Variants in ZNF117 observed in about 807,000 individuals in gnomAD.
ZNF117 encodes the protein Krueppel-related zinc finger protein.
ZNF117 carries 37 observed loss-of-function variants against 41.2 expected under a neutral mutation model. The observed-to-expected ratio is 0.90, with a 90% CI of 0.69 to 1.18. The LOEUF (loss-of-function observed/expected upper bound fraction) is 1.18. Ranked by LOEUF, ZNF117 falls within the 50% of genes most tolerant of loss-of-function variation. The pLI is 0.00. For synonymous variants in ZNF117, 186 were observed against 186.6 expected, an observed-to-expected ratio of 1.00 and a Z score of 0.02; for missense variants, 546 against 557.5, an observed-to-expected ratio of 0.98 and a Z score of 0.21.
chr7:64,976,063 T>G (rs995688437), exon 3 of ZNF117: 1 of 152,208 alleles, frequency 6.6e-6, no homozygotes, highest in African/African-American at 2.4e-5. Context: ...ATGTGTACAA[T>G]AAAATCTGTG....
At chr7:64,983,378 T>A (rs1406208959), upstream of ZNF117, among the ~76,000 whole-genome samples, 1 of 152,198 alleles carries the variant, frequency 6.6e-6, no homozygotes, top group Non-Finnish European at 1.5e-5. Context: ...AGCCGTGATG[T>A]AGAGATGTAG....
At chr7:64,979,486 C>G in exon 3 of ZNF117, 1 of 1,579,532 alleles carries the variant, frequency 6.3e-7, no homozygotes, top group Non-Finnish European at 8.6e-7. Context: ...TGGAAAGAAT[C>G]TCTTATGTTC....
chr7:64,989,477 ATATATATATATATATATATAT>A (rs1562649391), intron 1 of ZNF117, among the ~76,000 whole-genome samples: 4,244 of 114,822 alleles, frequency 0.037, 150 homozygotes, highest in Non-Finnish European at 0.055. Flanking sequence ...ATATATATAT[ATATATATATATATATATATAT>A]AAAACCTGAA....
At chr7:64,989,493 AT>A (rs1786215072) in intron 1 of ZNF117, among the ~76,000 whole-genome samples, 1 of 105,918 alleles carries the variant, frequency 9.4e-6, no homozygotes, top group Non-Finnish European at 2.0e-5. Context: ...ATATATATAT[AT>A]ATATAAAACC....
exon 3 of ZNF117, chr7:64,978,723 C>A: frequency 6.2e-7 from 1 of 1,612,958 alleles, no homozygotes; most frequent in Non-Finnish European, 8.5e-7. Flanking sequence ...AAAGGCTTTA[C>A]CACATTCTTC....
chr7:64,989,463 A>ATATATT (rs1786209221), intron 1 of ZNF117, among the ~76,000 whole-genome samples: 1 of 51,246 alleles, frequency 2.0e-5, no homozygotes, highest in Non-Finnish European at 5.0e-5. Context: ...ATATATATAT[A>ATATATT]TATATATATA....
At chr7:64,982,653 G>A (rs1215837919), upstream of ZNF117, among the ~76,000 whole-genome samples, 2 of 152,098 alleles carry the variant, frequency 1.3e-5, no homozygotes, top group Non-Finnish European at 2.9e-5. Flanking sequence ...GTAGGTGGGT[G>A]AGCCTGTGTT....
At chr7:64,981,459 G>C (rs1786031477) in exon 2 of ZNF117, 1 of 1,610,068 alleles carries the variant, frequency 6.2e-7, no homozygotes, top group Non-Finnish European at 8.5e-7. Context: ...CAGGTAATCA[G>C]GTCTGGCTTA....
upstream of ZNF117, among the ~76,000 whole-genome samples, chr7:64,985,237 A>G (rs1163511144): frequency 6.6e-6 from 1 of 152,262 alleles, no homozygotes; most frequent in East Asian, 1.9e-4. Context: ...CAAGTAATAA[A>G]TATAAACCAA....
upstream of ZNF117, among the ~76,000 whole-genome samples, chr7:64,984,403 T>C (rs2129120070): frequency 6.6e-6 from 1 of 152,268 alleles, no homozygotes; most frequent in South Asian, 2.1e-4. Flanking sequence ...CCACCATAAC[T>C]TTCCGATGAA....
upstream of ZNF117, among the ~76,000 whole-genome samples, chr7:64,986,497 G>A (rs1477286847): frequency 6.6e-6 from 1 of 152,080 alleles, no homozygotes; most frequent in Non-Finnish European, 1.5e-5. Context: ...GACAAAAAGG[G>A]GCAGGGGAAC....
Position 64,979,094 on chromosome 7 carries a change from A to AT in ZNF117, c.476dup (p.His159GlnfsTer10), listed in dbSNP as rs1237088365. 1 of 1,613,104 alleles carries AT rather than the reference A, an allele frequency of 6.2e-7. No individual in the cohort carries two copies. The highest frequency in any genetic ancestry group is 1.7e-5 in the Admixed American group (1 of 59,884). ...TACATTTGTAAGGTTTTTCTCCAGT[A>AT]TGAATTCTCTTATGTTTATTAAGGG... On this transcript the variant is annotated frameshift_variant, in exon 3 of 3. Coordinates refer to ENST00000620222, the Ensembl canonical transcript of ZNF117. LOFTEE classifies it high-confidence loss of function.
At chr7:64,989,251 A>G (rs7807855) in intron 1 of ZNF117, among the ~76,000 whole-genome samples, 57,748 of 149,844 alleles carry the variant, frequency 0.39, 11,424 homozygotes, top group Middle Eastern at 0.44. Context: ...TAATGCCACA[A>G]TGCCACACAC....
At chr7:64,986,054 G>T (rs918176544), upstream of ZNF117, among the ~76,000 whole-genome samples, 5 of 151,708 alleles carry the variant, frequency 3.3e-5, no homozygotes, top group Non-Finnish European at 5.9e-5. Flanking sequence ...ATAACAGCCA[G>T]GTCTCTGGAC....
upstream of ZNF117, among the ~76,000 whole-genome samples, chr7:64,983,880 GTT>G (rs1469265204): frequency 7.3e-3 from 1,107 of 152,312 alleles, 12 homozygotes; most frequent in African/African-American, 0.024. Context: ...GAGAAAAACA[GTT>G]AAAAGCATCT....
chr7:64,979,950 G>A (rs3823471), intron 2 of ZNF117: 58,929 of 154,826 alleles, frequency 0.38, 11,493 homozygotes, highest in Middle Eastern at 0.46. Flanking sequence ...GTGCTTTGGC[G>A]GACACTGGTT....
intron 1 of ZNF117, among the ~76,000 whole-genome samples, chr7:64,988,793 A>C (rs912691888): frequency 9.9e-5 from 15 of 152,204 alleles, no homozygotes; most frequent in Non-Finnish European, 1.6e-4. Context: ...ATCCCTGTAC[A>C]TTAATAACAT....
downstream of ZNF117, chr7:64,973,253 C>G (rs1016382719): frequency 6.6e-6 from 1 of 151,904 alleles, no homozygotes; most frequent in African/African-American, 2.4e-5. Flanking sequence ...TTAAATTTCA[C>G]ATTTAAAAAT....
exon 3 of ZNF117, chr7:64,974,717 C>G (rs1016703840): frequency 6.6e-6 from 1 of 151,852 alleles, no homozygotes; most frequent in Non-Finnish European, 1.5e-5. Flanking sequence ...AAGCAGGACT[C>G]AGAATTTTAA....
Sources: allele counts gnomAD v4.1 joint callset (sites outside exome capture counted in the v4.1 genomes callset), GRCh38; gene constraint gnomAD v4.1.1; transcripts MANE v1.5; gene names NCBI Gene and HGNC (gene_info 2026-07-23, HGNC 2026-07-21).